Variants in TTC29 observed in about 807,000 individuals in gnomAD.
TTC29 encodes tetratricopeptide repeat protein 29.
TTC29 carries 49 observed loss-of-function variants against 58.1 expected under a neutral mutation model. The observed-to-expected ratio is 0.84, with a 90% CI of 0.67 to 1.07. The LOEUF (loss-of-function observed/expected upper bound fraction) is 1.07, where lower values mean the gene tolerates loss of function less well. Among genes scored for constraint, TTC29 ranks in the 50% least tolerant of loss-of-function variants. The pLI, the probability that TTC29 is intolerant of heterozygous loss-of-function variation, is 0.00. For synonymous variants in TTC29, 209 were observed against 196.8 expected (o/e 1.06, Z -0.52); for missense variants, 582 against 555.6 (o/e 1.05, Z -0.48).
intron 10 of TTC29, among the ~76,000 whole-genome samples, chr4:146,818,056 T>A (rs1751538886): frequency 6.6e-6 from 1 of 152,080 alleles, no homozygotes; most frequent in Non-Finnish European, 1.5e-5. Flanking sequence ...CCGAAAGCAA[T>A]GGCAACAAAA....
chr4:146,758,469 C>G (rs1480221724), intron 11 of TTC29, among the ~76,000 whole-genome samples: 1 of 152,126 alleles, frequency 6.6e-6, no homozygotes, highest in Admixed American at 6.5e-5. Context: ...TGGATTTAAA[C>G]CATACCTTGG....
intron 6 of TTC29, among the ~76,000 whole-genome samples, chr4:146,896,760 G>T (rs1732797177): frequency 6.6e-6 from 1 of 151,982 alleles, no homozygotes; most frequent in African/African-American, 2.4e-5. Flanking sequence ...CAGCATCATG[G>T]ACTCAGTTTT....
intron 9 of TTC29, among the ~76,000 whole-genome samples, chr4:146,825,610 T>C (rs539323803): frequency 1.3e-5 from 2 of 152,330 alleles, no homozygotes; most frequent in South Asian, 4.2e-4. Context: ...TGTAGCTGTC[T>C]ACTAGGTCCA....
At chr4:146,776,513 C>G (rs949767408) in intron 11 of TTC29, among the ~76,000 whole-genome samples, 8 of 151,406 alleles carry the variant, frequency 5.3e-5, no homozygotes, top group African/African-American at 1.9e-4. Context: ...GTTCAATTGA[C>G]TGGGTTTGCT....
intron 9 of TTC29, among the ~76,000 whole-genome samples, chr4:146,832,782 G>A (rs751401275): frequency 5.9e-5 from 9 of 152,066 alleles, no homozygotes; most frequent in Non-Finnish European, 7.4e-5. Context: ...GTGAGCCACC[G>A]TGCCTGGCCT....
intron 6 of TTC29, among the ~76,000 whole-genome samples, chr4:146,891,539 T>C (rs1365014571): frequency 2.6e-5 from 4 of 152,198 alleles, no homozygotes; most frequent in Non-Finnish European, 5.9e-5. Context: ...ACAGAAAATG[T>C]TGAAACCATC....
At chr4:146,749,066 CCA>C (rs1745767650) in intron 11 of TTC29, among the ~76,000 whole-genome samples, 1 of 151,920 alleles carries the variant, frequency 6.6e-6, no homozygotes, top group Admixed American at 6.6e-5. Context: ...GCCTGTAATC[CCA>C]GTGTTTTGGG....
intron 11 of TTC29, among the ~76,000 whole-genome samples, chr4:146,760,119 C>T (rs1186057819): frequency 6.6e-6 from 1 of 152,028 alleles, no homozygotes; most frequent in Non-Finnish European, 1.5e-5. Flanking sequence ...GTACACAAAT[C>T]AGTAGCTCTT....
intron 7 of TTC29, among the ~76,000 whole-genome samples, chr4:146,874,030 G>A (rs1731097440): frequency 6.6e-6 from 1 of 152,068 alleles, no homozygotes; most frequent in African/African-American, 2.4e-5. Context: ...ATAAGAATAT[G>A]CTCCAAATTT....
intron 10 of TTC29, among the ~76,000 whole-genome samples, chr4:146,805,782 G>A (rs1750567437): frequency 6.6e-6 from 1 of 152,072 alleles, no homozygotes; most frequent in South Asian, 2.1e-4. Flanking sequence ...GAAAGTGATG[G>A]GCAGAATGGA....
chr4:146,919,827 T>A (rs6820984), intron 4 of TTC29, among the ~76,000 whole-genome samples: 70,646 of 150,768 alleles, frequency 0.47, 17,345 homozygotes, highest in African/African-American at 0.61. Flanking sequence ...CAAACTTTTA[T>A]TAAAAATGAA....
chr4:146,742,800 C>G (rs1745263467), intron 11 of TTC29, among the ~76,000 whole-genome samples: 1 of 145,574 alleles, frequency 6.9e-6, no homozygotes, highest in Admixed American at 7.0e-5. Context: ...CTCTTTCTTC[C>G]TCCTTTAAAC....
chr4:146,938,404 T>C (rs542562707), intron 3 of TTC29, among the ~76,000 whole-genome samples: 113 of 152,268 alleles, frequency 7.4e-4, no homozygotes, highest in Non-Finnish European at 1.3e-3. Flanking sequence ...ATAAAATGAA[T>C]ACAAGAAAAC....
At chr4:146,749,865 G>T (rs1308316796) in intron 11 of TTC29, among the ~76,000 whole-genome samples, 1 of 152,158 alleles carries the variant, frequency 6.6e-6, no homozygotes, top group Non-Finnish European at 1.5e-5. Context: ...AACCTTGCAG[G>T]CCAGGAGAGA....
intron 11 of TTC29, among the ~76,000 whole-genome samples, chr4:146,744,955 C>A (rs1745434002): frequency 6.6e-6 from 1 of 152,082 alleles, no homozygotes; most frequent in South Asian, 2.1e-4. Context: ...TAAAAATCTG[C>A]AAATTTATGG....
intron 11 of TTC29, among the ~76,000 whole-genome samples, chr4:146,711,210 T>G (rs190378528): frequency 6.6e-6 from 1 of 152,274 alleles, no homozygotes; most frequent in African/African-American, 2.4e-5. Flanking sequence ...TATTGTTGTA[T>G]GCTCACATGA....
At chr4:146,870,893 C>T (rs1019926542) in intron 7 of TTC29, among the ~76,000 whole-genome samples, 3 of 151,972 alleles carry the variant, frequency 2.0e-5, no homozygotes, top group Non-Finnish European at 4.4e-5. Flanking sequence ...CAGATGATTT[C>T]ACTGCTGAAT....
chr4:146,856,604 T>C (rs1243224514), intron 8 of TTC29, among the ~76,000 whole-genome samples: 1 of 151,528 alleles, frequency 6.6e-6, no homozygotes, highest in Non-Finnish European at 1.5e-5. Context: ...AAATGACAAA[T>C]ACTGTAATTT....
At chr4:146,884,451 G>GT (rs529665201) in intron 6 of TTC29, among the ~76,000 whole-genome samples, 150 of 152,162 alleles carry the variant, frequency 9.9e-4, no homozygotes, top group African/African-American at 3.4e-3. Context: ...TTAGTGAAGG[G>GT]TATATTACAA....
Sources: gnomAD v4.1 joint callset for allele counts (sites outside exome capture counted in the v4.1 genomes callset) on GRCh38, gnomAD v4.1.1 for gene constraint, MANE v1.5 for transcripts, NCBI Gene and HGNC (gene_info 2026-07-23, HGNC 2026-07-21) for gene names.